Variants in FAM168A observed in about 807,000 individuals in gnomAD.
FAM168A encodes protein FAM168A.
In FAM168A, 3 loss-of-function variants were observed where a neutral mutation model predicts 28.5. The observed-to-expected ratio is 0.11, with a 90% CI of 0.05 to 0.27. The LOEUF (loss-of-function observed/expected upper bound fraction) is 0.27. FAM168A is among the 10% of genes least tolerant of loss of function. FAM168A has a pLI of 1.00. For synonymous variants in FAM168A, 122 were observed against 124.2 expected (o/e 0.98, Z 0.12); for missense variants, 222 against 311.5 (o/e 0.71, Z 2.16).
chr11:73,595,193 T>C (rs925110512), intron 1 of FAM168A, among the ~76,000 whole-genome samples: 10 of 152,198 alleles, frequency 6.6e-5, no homozygotes, highest in African/African-American at 2.4e-4. Flanking sequence ...CAGAGTAAAG[T>C]TATGAGAGAA....
intron 1 of FAM168A, among the ~76,000 whole-genome samples, chr11:73,589,787 C>T (rs112294182): frequency 3.9e-5 from 6 of 152,120 alleles, no homozygotes; most frequent in African/African-American, 7.2e-5. Flanking sequence ...ATTAGCTGGG[C>T]GTGGTGGCGC....
At position 73,514,030 on chromosome 11, in the gene FAM168A, C is replaced by G. The variant is rs111510023; in HGVS notation, c.-18-45538G>C. 7.1e-3 allele frequency among the ~76,000 whole-genome samples: 1,080 copies of G among 151,812 alleles called. 14 individuals carry two copies. The highest frequency in any genetic ancestry group is 0.023 in the African/African-American group (944 of 41,404). ...AAAACCCTCTCTCTATAAAAAAATA[C>G]AAAATTTAGCCCAGAGTTATGGTAC... On this transcript the variant is annotated intron_variant, in intron 1 of 7. Transcript: ENST00000356467.
chr11:73,577,312 C>T (rs181183448), intron 1 of FAM168A, among the ~76,000 whole-genome samples: 1 of 152,010 alleles, frequency 6.6e-6, no homozygotes, highest in Non-Finnish European at 1.5e-5. Flanking sequence ...CATGGTCACA[C>T]AGCTACTTAA....
intron 1 of FAM168A, among the ~76,000 whole-genome samples, chr11:73,576,095 G>C (rs7945825): frequency 0.077 from 11,735 of 152,182 alleles, 549 homozygotes; most frequent in Non-Finnish European, 0.11. Flanking sequence ...TTTGGTATTA[G>C]ATAATTTTTT....
At chr11:73,535,722 CTT>C (rs59312114) in intron 1 of FAM168A, among the ~76,000 whole-genome samples, 211 of 116,920 alleles carry the variant, frequency 1.8e-3, no homozygotes, top group Non-Finnish European at 2.1e-3. Flanking sequence ...CCTCACCCTT[CTT>C]TTTTTTTTTT....
At chr11:73,486,543 T>A (rs1425823837) in intron 1 of FAM168A, among the ~76,000 whole-genome samples, 1 of 152,248 alleles carries the variant, frequency 6.6e-6, no homozygotes, top group African/African-American at 2.4e-5. Context: ...TGGTTTTCAA[T>A]AACATTCCAG....
intron 1 of FAM168A, among the ~76,000 whole-genome samples, chr11:73,560,821 G>A (rs1237483636): frequency 1.3e-5 from 2 of 152,190 alleles, no homozygotes; most frequent in East Asian, 3.8e-4. Context: ...CCAGCACTTT[G>A]GGAGGCCAAG....
At chr11:73,455,383 C>T (rs558002004) in intron 2 of FAM168A, among the ~76,000 whole-genome samples, 11 of 152,340 alleles carry the variant, frequency 7.2e-5, no homozygotes, top group Middle Eastern at 3.4e-3. Flanking sequence ...GCACCCCTGT[C>T]GCAAGTCCAG....
At position 73,494,641 on chromosome 11, in the gene FAM168A, G is replaced by A. The variant is rs577710559; in HGVS notation, c.-18-26149C>T. Among the ~76,000 whole-genome samples the A allele has an allele frequency of 2.4e-4, 36 of 152,306 alleles. No homozygotes were observed. In the South Asian group the frequency reaches 6.8e-3, roughly 29 times the overall value. On this transcript the variant is annotated intron_variant, in intron 1 of 7. Transcript: ENST00000356467. ...GTAGAAAAATTGGGGAAAAAATGGAGGATGGGCACAATGAAGAGGTAGATT... is the reference window on the plus strand; with the variant it reads ...GTAGAAAAATTGGGGAAAAAATGGAAGATGGGCACAATGAAGAGGTAGATT...
At chr11:73,540,618 A>T (rs181106306) in intron 1 of FAM168A, among the ~76,000 whole-genome samples, 18 of 152,208 alleles carry the variant, frequency 1.2e-4, no homozygotes, top group Admixed American at 8.5e-4. Flanking sequence ...CCCTTCTATT[A>T]TATCTTCTCA....
At chr11:73,459,875 A>T (rs1867611859) in intron 2 of FAM168A, among the ~76,000 whole-genome samples, 1 of 144,604 alleles carries the variant, frequency 6.9e-6, no homozygotes, top group African/African-American at 2.7e-5. Flanking sequence ...GATAATCCAA[A>T]TGAATTTTTT....
At chr11:73,545,027 A>ATAATATATTATATATATAT (rs57233496) in intron 1 of FAM168A, among the ~76,000 whole-genome samples, 1 of 77,464 alleles carries the variant, frequency 1.3e-5, no homozygotes, top group African/African-American at 1.2e-4. Flanking sequence ...TAGTATATAT[A>ATAATATATTATATATATAT]ATATATATAT....
chr11:73,489,298 A>G (rs1868096643), intron 1 of FAM168A, among the ~76,000 whole-genome samples: 1 of 152,032 alleles, frequency 6.6e-6, no homozygotes, highest in South Asian at 2.1e-4. Context: ...TTTATACTGT[A>G]CTTGCTTTCT....
chr11:73,428,678 T>C (rs1467345421), intron 3 of FAM168A, among the ~76,000 whole-genome samples: 3 of 152,226 alleles, frequency 2.0e-5, no homozygotes, highest in Non-Finnish European at 4.4e-5. Context: ...TTACCAAATT[T>C]GATTATCAGA....
At chr11:73,531,557 A>G (rs904703225) in intron 1 of FAM168A, among the ~76,000 whole-genome samples, 2 of 152,208 alleles carry the variant, frequency 1.3e-5, no homozygotes, top group Admixed American at 6.5e-5. Context: ...GAATATACCT[A>G]TAATGAGCAG....
At chr11:73,488,688 G>A (rs890298154) in intron 1 of FAM168A, among the ~76,000 whole-genome samples, 3 of 151,976 alleles carry the variant, frequency 2.0e-5, no homozygotes, top group African/African-American at 7.3e-5. Context: ...CCTTCCAGTG[G>A]TACACTAGAT....
At position 73,585,955 on chromosome 11, in the gene FAM168A, C is replaced by T. The variant is rs111851424; in HGVS notation, c.-19+11968G>A. On this transcript the variant is annotated intron_variant, in intron 1 of 7. Coordinates refer to ENST00000356467, the MANE Select transcript of FAM168A (RefSeq NM_015159.3). ...CAGATCCTAGTGTGCAAAACCACTG[C>T]ATTACTCTATACTTTGTAGTACCAA... is the stretch of plus-strand genomic sequence containing the variant. Among the ~76,000 whole-genome samples, 938 of 151,498 alleles carry T rather than the reference C, an allele frequency of 6.2e-3. 10 individuals are homozygous for T. The highest frequency in any genetic ancestry group is 0.022 in the African/African-American group (893 of 41,274).
intron 2 of FAM168A, among the ~76,000 whole-genome samples, chr11:73,433,761 T>C (rs1368992115): frequency 1.3e-5 from 2 of 151,588 alleles, no homozygotes; most frequent in Non-Finnish European, 2.9e-5. Context: ...CAAACTAAAA[T>C]AACCTAAGTA....
chr11:73,431,345 C>T (rs1313509238), intron 2 of FAM168A, among the ~76,000 whole-genome samples: 1 of 135,076 alleles, frequency 7.4e-6, no homozygotes, highest in African/African-American at 2.7e-5. Flanking sequence ...CCATCCGCTG[C>T]CCCCCACACC....
Sources: allele counts gnomAD v4.1 joint callset (sites outside exome capture counted in the v4.1 genomes callset), GRCh38; gene constraint gnomAD v4.1.1; transcripts MANE v1.5; gene names NCBI Gene and HGNC (gene_info 2026-07-23, HGNC 2026-07-21).